The following ACTR3 variants were observed in gnomAD, a reference collection of about 807,000 sequenced individuals.
The protein encoded by ACTR3 is actin related protein 3.
A neutral mutation model predicts 56.8 loss-of-function variants in ACTR3; 12 were observed. The ratio of observed to expected loss-of-function variants is 0.21; its 90% confidence interval spans 0.14 to 0.34. ACTR3 has a LOEUF of 0.34. ACTR3 is among the 10% of genes least tolerant of loss of function. The pLI, the probability that ACTR3 is intolerant of heterozygous loss-of-function variation, is 1.00. For synonymous variants in ACTR3, 162 were observed against 167.4 expected, an observed-to-expected ratio of 0.97 and a Z score of 0.25; for missense variants, 282 against 512.5, an observed-to-expected ratio of 0.55 and a Z score of 4.34.
intron 9 of ACTR3, 65 bp from the exon 10 acceptor site, chr2:113,951,655 G>T (rs1680122657): frequency 5.4e-6 from 8 of 1,473,122 alleles, no homozygotes; most frequent in Non-Finnish European, 6.5e-6. Flanking sequence ...TAGCATTTCA[G>T]TACTATATAT....
At chr2:113,947,160 A>C (rs1314274074) in intron 8 of ACTR3, among the ~76,000 whole-genome samples, 1 of 152,234 alleles carries the variant, frequency 6.6e-6, no homozygotes, top group African/African-American at 2.4e-5. Flanking sequence ...AATTAACTTG[A>C]AATTGAAATC....
At chr2:113,890,479 G>A (rs1270899881) in intron 1 of ACTR3, 156 bp downstream of exon 1, 1 of 1,290,172 alleles carries the variant, frequency 7.8e-7, no homozygotes, top group African/African-American at 1.6e-5. Flanking sequence ...CCCGCAGCCA[G>A]GGCCTCGCGG....
At chr2:113,907,073 A>G (rs1298988399) in intron 1 of ACTR3, among the ~76,000 whole-genome samples, 1 of 152,162 alleles carries the variant, frequency 6.6e-6, no homozygotes, top group Non-Finnish European at 1.5e-5. Context: ...CCAAGTCTGA[A>G]TTCTGTACTA....
At chr2:113,951,958 A>C in intron 10 of ACTR3, 113 bp downstream of exon 10, 2 of 1,335,520 alleles carry the variant, frequency 1.5e-6, no homozygotes, top group East Asian at 4.7e-5. Context: ...CCTGTCAGGT[A>C]TTCTAATGGA....
intron 1 of ACTR3, among the ~76,000 whole-genome samples, chr2:113,910,422 C>G (rs1442896238): frequency 6.6e-6 from 1 of 152,112 alleles, no homozygotes; most frequent in Non-Finnish European, 1.5e-5. Flanking sequence ...ATGTGTTTCT[C>G]TGAGTTTTGT....
At chr2:113,940,290 TTC>T (rs1197552459) in intron 7 of ACTR3, 188 bp downstream of exon 7, 8 of 433,026 alleles carry the variant, frequency 1.8e-5, no homozygotes, top group Non-Finnish European at 3.2e-5. Context: ...GCAGTTTGTC[TTC>T]TGTTTTCTTC....
intron 1 of ACTR3, among the ~76,000 whole-genome samples, chr2:113,908,521 A>G (rs1245226641): frequency 1.3e-5 from 2 of 151,418 alleles, no homozygotes; most frequent in Non-Finnish European, 1.5e-5. Flanking sequence ...CAATTTTCAA[A>G]CCTCTTCCTC....
chr2:113,942,171 T>G lies in ACTR3; in HGVS notation c.685-15T>G. ...AATAAGCAAAAAAAGTTACTTTTGT[T>G]TCTTTGTTTTTCAGGAGCGCTATAG... On this transcript the variant is annotated splice_polypyrimidine_tract_variant and intron_variant, in intron 7 of 11. Transcript: ENST00000263238. The G allele has an allele frequency of 6.5e-7, 1 of 1,540,044 alleles. No individual in the cohort carries two copies. Among genetic ancestry groups the G allele is most frequent in the Non-Finnish European group, 8.7e-7 (1 of 1,155,452 alleles).
In ACTR3 at chr2:113,927,353, C is replaced by A. The variant is rs1269585332; in HGVS notation, c.234C>A (p.Ile78=). 3.2e-6 allele frequency: 5 copies of A among 1,549,466 alleles called. No individual in the cohort carries two copies. Among genetic ancestry groups the A allele is most frequent in the South Asian group, 1.3e-5 (1 of 77,484 alleles). ...CCTTTTTGTTTTAATAGTGGCCAAT[C>A]CGCCATGGTATAGTTGAAGATTGGG... ...EKPTYATKWP[I]RHGIVEDWDL... Residue 78 remains isoleucine (I), a synonymous_variant, in exon 4 of 12, where the codon ATC becomes ATA. Transcript: ENST00000263238.
At chr2:113,956,321 G>A (rs1680213009) in intron 11 of ACTR3, among the ~76,000 whole-genome samples, 1 of 150,872 alleles carries the variant, frequency 6.6e-6, no homozygotes, top group South Asian at 2.1e-4. Context: ...ATATGTGTTT[G>A]TAGTATTTTA....
intron 7 of ACTR3, among the ~76,000 whole-genome samples, chr2:113,941,169 A>G (rs1488827299): frequency 2.6e-5 from 4 of 152,142 alleles, no homozygotes; most frequent in African/African-American, 7.2e-5. Flanking sequence ...TTTATCAACT[A>G]CTTCCTAGGT....
chr2:113,925,623 A>G (rs1679605820), intron 3 of ACTR3, among the ~76,000 whole-genome samples: 1 of 152,240 alleles, frequency 6.6e-6, no homozygotes, highest in Non-Finnish European at 1.5e-5. Context: ...TACAGTAGGT[A>G]CACAGTAATA....
At position 113,916,892 on chromosome 2, in the gene ACTR3, A is replaced by G; in HGVS notation, c.109A>G (p.Ile37Val). 2 of 1,608,998 alleles carry G rather than the reference A, an allele frequency of 1.2e-6. No individual in the cohort carries two copies. Among genetic ancestry groups the G allele is most frequent in the Non-Finnish European group, 1.7e-6 (2 of 1,176,994 alleles). ...PQFIIPSCIA[I>V]KESAKVGDQA... The stretch of plus-strand genomic sequence containing the variant: ...TCTAACTTATTTTAAAGGTATTGCT[A>G]TTAAGGAGTCAGCAAAAGTGGGTGA... The change falls in exon 3 of 12, where the codon ATT becomes GTT. Residue 37 changes from isoleucine to valine, a missense_variant. Coordinates refer to ENST00000263238, the MANE Select transcript of ACTR3 (RefSeq NM_005721.5).
rs1486459163 is a variant in ACTR3 at position 113,906,349 on chromosome 2, GTGT to G, written c.45-6818_45-6816del. On this transcript the variant is annotated intron_variant, in intron 1 of 11. Coordinates refer to ENST00000263238, the MANE Select transcript of ACTR3 (RefSeq NM_005721.5). ...TTCAGTTGGGCTTTTTTTGATTGTT[GTGT>G]TGTTCTTTATTCTGGATATTAATCC... Among the ~76,000 whole-genome samples the G allele has an allele frequency of 8.5e-5, 13 of 152,134 alleles. No homozygotes were observed. In the East Asian group the frequency reaches 2.5e-3, roughly 29 times the overall value.
At chr2:113,951,195 C>T in intron 8 of ACTR3, 1 of 257,396 alleles carries the variant, frequency 3.9e-6, no homozygotes. Flanking sequence ...AGTGTATACT[C>T]TCACAGCGTT....
intron 1 of ACTR3, among the ~76,000 whole-genome samples, chr2:113,893,226 G>T (rs1678940321): frequency 6.8e-6 from 1 of 146,592 alleles, no homozygotes; most frequent in East Asian, 2.0e-4. Context: ...TCATCCTAAG[G>T]TTTTTTTTTT....
In ACTR3 at chr2:113,890,244, A is replaced by T. The variant is rs1257930733; in HGVS notation, c.-36A>T. On this transcript the variant is annotated 5_prime_UTR_variant, in exon 1 of 12. Coordinates refer to ENST00000263238, the MANE Select transcript of ACTR3 (RefSeq NM_005721.5). ...TCTCTGGCCCCTAGCAGCACGGAGCAGACGGCGGCAGCAGCAGCAGCAGGC... is the reference window on the plus strand; with the variant it reads ...TCTCTGGCCCCTAGCAGCACGGAGCTGACGGCGGCAGCAGCAGCAGCAGGC... 6.5e-7 allele frequency: 1 copy of T among 1,548,362 alleles called. No homozygotes were observed. The highest frequency in any genetic ancestry group is 1.4e-5 in the African/African-American group (1 of 72,750).
intron 1 of ACTR3, among the ~76,000 whole-genome samples, chr2:113,893,583 C>T (rs370414285): frequency 2.0e-5 from 3 of 152,166 alleles, no homozygotes; most frequent in East Asian, 1.9e-4. Context: ...TGAGCCACCG[C>T]GCCCAGCCTT....
chr2:113,928,194 T>C (rs1679654550), intron 4 of ACTR3, among the ~76,000 whole-genome samples: 1 of 152,208 alleles, frequency 6.6e-6, no homozygotes, highest in Non-Finnish European at 1.5e-5. Flanking sequence ...GTTAAATCAA[T>C]ATTCTGTGTC....
Sources: gnomAD v4.1 joint callset for allele counts (sites outside exome capture counted in the v4.1 genomes callset) on GRCh38, gnomAD v4.1.1 for gene constraint, MANE v1.5 for transcripts, NCBI Gene and HGNC (gene_info 2026-07-23, HGNC 2026-07-21) for gene names.